CDKN2B-AS1: variants seen among roughly 807,000 people sequenced by gnomAD.
CDKN2B-AS1 encodes the protein CDKN2B and CDKN2A antisense cis and trans regulatory RNA 1.
chr9:22,015,162 C>G (rs1240589761), intron 1 of CDKN2B-AS1, among the ~76,000 whole-genome samples: 1 of 152,064 alleles, frequency 6.6e-6, no homozygotes, highest in Non-Finnish European at 1.5e-5. Context: ...ATTTCTAGTT[C>G]TAGATCCCTG....
chr9:22,094,113 A>T (rs935856778), intron 4 of CDKN2B-AS1, among the ~76,000 whole-genome samples: 1 of 144,030 alleles, frequency 6.9e-6, no homozygotes, highest in African/African-American at 2.9e-5. Flanking sequence ...CTGGGTTGAA[A>T]ATTCTTTTCT....
intron 4 of CDKN2B-AS1, among the ~76,000 whole-genome samples, chr9:22,073,867 A>ATTTT (rs567089131): frequency 4.9e-4 from 71 of 145,198 alleles, no homozygotes; most frequent in African/African-American, 1.8e-3. Flanking sequence ...TACCTAGATA[A>ATTTT]TTTTTTTTTT....
At position 22,005,770 on chromosome 9, in the gene CDKN2B-AS1, C is replaced by T; in HGVS notation, n.29+10609C>T. ...CCTGGAAATCCGCTTCTCTGTGTTT[C>T]GCTTCATGGTGAGTGTCGAGGGCCA... On this transcript the variant is annotated intron_variant and non_coding_transcript_variant, in intron 1 of 4. Transcript: ENST00000650946. This position sits in a 1 kb window ranked among gnomAD's most constrained non-coding sequence, Gnocchi z 4.9. The T allele has an allele frequency of 1.6e-6, 1 of 625,682 alleles. No individual in the cohort carries two copies. Among genetic ancestry groups the T allele is most frequent in the Non-Finnish European group, 2.8e-6 (1 of 356,806 alleles). The allele number at this position is 625,682 out of a possible 1,614,324, so 38.8% of individuals were successfully genotyped here.
chr9:22,031,525 A>G (rs1301180348), intron 1 of CDKN2B-AS1, among the ~76,000 whole-genome samples: 1 of 152,220 alleles, frequency 6.6e-6, no homozygotes, highest in African/African-American at 2.4e-5. Context: ...CAGTGCTCTT[A>G]CTGTAATTGA....
intron 4 of CDKN2B-AS1, among the ~76,000 whole-genome samples, chr9:22,069,904 C>T (rs1824218832): frequency 6.6e-6 from 1 of 152,098 alleles, no homozygotes. Context: ...CGCTCTGCCG[C>T]CCAGACTGGA....
intron 1 of CDKN2B-AS1, chr9:22,008,911 C>T: frequency 1.2e-6 from 2 of 1,612,968 alleles, no homozygotes; most frequent in Non-Finnish European, 1.7e-6. Context: ...AGACCCTCAT[C>T]GCTGCCGCCC....
intron 3 of CDKN2B-AS1, among the ~76,000 whole-genome samples, chr9:22,051,797 C>T (rs949509734): frequency 9.2e-5 from 14 of 152,042 alleles, no homozygotes; most frequent in Admixed American, 3.9e-4. Context: ...ATACTCACAT[C>T]GAAACACTCC....
At chr9:22,028,742 A>T (rs1377168555) in intron 1 of CDKN2B-AS1, among the ~76,000 whole-genome samples, 2 of 152,192 alleles carry the variant, frequency 1.3e-5, no homozygotes. Flanking sequence ...AAACAATGTG[A>T]CTGATCTTTA....
At position 21,999,002 on chromosome 9, in the gene CDKN2B-AS1, ATAG is replaced by A. The variant is rs555712119; in HGVS notation, n.29+3845_29+3847del. Reference sequence around the variant, plus strand: ...AAAAAGGCAAAGGATATAATAGTTTATAGTAGAATATGTGCAAATAGTAAAAAA... The same window carrying A: ...AAAAAGGCAAAGGATATAATAGTTTATAGAATATGTGCAAATAGTAAAAAA... On this transcript the variant is annotated intron_variant and non_coding_transcript_variant, in intron 1 of 4. Coordinates refer to ENST00000650946, the Ensembl canonical transcript of CDKN2B-AS1. The surrounding 1 kb of genome is among the most constrained non-coding windows in gnomAD (Gnocchi z 4.7). Among the ~76,000 whole-genome samples, 9 of 152,330 alleles carry A rather than the reference ATAG, an allele frequency of 5.9e-5. No individual in the cohort carries two copies. The East Asian group carries it at 1.7e-3, about 29-fold the overall frequency.
chr9:22,034,959 G>T (rs1438986248), intron 1 of CDKN2B-AS1, among the ~76,000 whole-genome samples: 1 of 152,154 alleles, frequency 6.6e-6, no homozygotes, highest in Admixed American at 6.6e-5. Context: ...GTAGTTTTAG[G>T]AAAGTTATTT....
At chr9:22,034,757 A>G (rs575664315) in intron 1 of CDKN2B-AS1, among the ~76,000 whole-genome samples, 2 of 152,170 alleles carry the variant, frequency 1.3e-5, no homozygotes, top group Non-Finnish European at 2.9e-5. Flanking sequence ...ACAACTACTC[A>G]TCTCTGCTGT....
intron 2 of CDKN2B-AS1, among the ~76,000 whole-genome samples, chr9:22,047,837 A>G (rs1823174398): frequency 6.6e-6 from 1 of 151,020 alleles, no homozygotes; most frequent in African/African-American, 2.4e-5. Flanking sequence ...CCCAGGCTGT[A>G]ATGCAGTGGC....
At chr9:22,041,542 C>G (rs1822897263) in intron 1 of CDKN2B-AS1, among the ~76,000 whole-genome samples, 1 of 152,038 alleles carries the variant, frequency 6.6e-6, no homozygotes. Flanking sequence ...TAAACTTTGT[C>G]TAGTTCTACT....
chr9:22,071,285 C>T (rs184102694), intron 4 of CDKN2B-AS1, among the ~76,000 whole-genome samples: 146 of 67,554 alleles, frequency 2.2e-3, no homozygotes, highest in African/African-American at 9.0e-3. Context: ...AAATATCTAG[C>T]TTTTTTTTTT....
chr9:22,062,468 C>A (rs1823859975), intron 4 of CDKN2B-AS1, among the ~76,000 whole-genome samples: 1 of 152,284 alleles, frequency 6.6e-6, no homozygotes, highest in African/African-American at 2.4e-5. Context: ...TTTGGGCTAG[C>A]TCTGCTGAAA....
At chr9:22,042,051 C>T (rs760644515) in intron 1 of CDKN2B-AS1, among the ~76,000 whole-genome samples, 36 of 152,042 alleles carry the variant, frequency 2.4e-4, no homozygotes, top group Admixed American at 4.6e-4. Context: ...GACAGACTCA[C>T]CTCACTTGCT....
intron 1 of CDKN2B-AS1, among the ~76,000 whole-genome samples, chr9:22,044,207 A>G (rs1012846077): frequency 1.1e-4 from 17 of 152,114 alleles, no homozygotes; most frequent in African/African-American, 3.9e-4. Flanking sequence ...ACACCTGACT[A>G]TTTTACAAAA....
intron 4 of CDKN2B-AS1, among the ~76,000 whole-genome samples, chr9:22,091,502 T>C (rs1587518660): frequency 6.6e-6 from 1 of 152,190 alleles, no homozygotes; most frequent in African/African-American, 2.4e-5. Flanking sequence ...TTTTATTTCA[T>C]TGAGCAGTGG....
chr9:22,071,867 T>G (rs2077112201), intron 4 of CDKN2B-AS1, among the ~76,000 whole-genome samples: 1 of 152,226 alleles, frequency 6.6e-6, no homozygotes, highest in Non-Finnish European at 1.5e-5. Context: ...TATTCCACAG[T>G]GCAGTTTGAT....
Sources: gnomAD v4.1 joint callset for allele counts (sites outside exome capture counted in the v4.1 genomes callset) on GRCh38, gnomAD v4.1.1 for gene constraint, Gnocchi (gnomAD v3.1) non-coding constraint, MANE v1.5 for transcripts, NCBI Gene and HGNC (gene_info 2026-07-23, HGNC 2026-07-21) for gene names.